NFATC1: variants seen among roughly 807,000 people sequenced by gnomAD.
NFATC1 encodes the protein nuclear factor of activated T cells 1.
In NFATC1, 22 loss-of-function variants were observed where a neutral mutation model predicts 76.0. The observed-to-expected ratio is 0.29, with a 90% CI of 0.21 to 0.41. The LOEUF (loss-of-function observed/expected upper bound fraction) is 0.41, where lower values mean the gene tolerates loss of function less well. NFATC1 is among the 10% of genes least tolerant of loss of function. NFATC1 has a pLI of 1.00. For missense variants in NFATC1, 1,357 were observed against 1,337.7 expected, an observed-to-expected ratio of 1.01 and a Z score of -0.23; for synonymous variants, 704 against 613.1, an observed-to-expected ratio of 1.15 and a Z score of -2.19.
chr18:79,478,231 C>T (rs1569011422), intron 8 of NFATC1, among the ~76,000 whole-genome samples: 1 of 151,770 alleles, frequency 6.6e-6, no homozygotes, highest in Non-Finnish European at 1.5e-5. Context: ...AGGCTTGTGC[C>T]TGCCACCGTG....
intron 3 of NFATC1, among the ~76,000 whole-genome samples, chr18:79,436,365 T>G (rs1464645714): frequency 5.3e-5 from 8 of 152,210 alleles, no homozygotes; most frequent in Admixed American, 5.2e-4. Context: ...TCGTTGTGAA[T>G]CGTCTGTCCG....
chr18:79,493,655 G>A (rs1600916557), intron 9 of NFATC1: 1 of 152,156 alleles, frequency 6.6e-6, no homozygotes, highest in South Asian at 2.1e-4. Flanking sequence ...AGCTCCCTTC[G>A]TGGAAAGTCT....
chr18:79,421,140 T>C (rs1299583573), intron 2 of NFATC1: 2 of 152,248 alleles, frequency 1.3e-5, no homozygotes, highest in African/African-American at 4.8e-5. Flanking sequence ...CTGGAAGCCG[T>C]GATGTGTGTC....
rs760401251 is a variant in NFATC1 at position 79,493,378 on chromosome 18, CCCT to C, written c.2782+6447_2782+6449del. On this transcript the variant is annotated intron_variant, in intron 9 of 9. Coordinates refer to ENST00000427363, the MANE Select transcript of NFATC1 (RefSeq NM_001278669.2). The stretch of plus-strand genomic sequence containing the variant: ...GGGTCTGTGCCGCTGAAGTGGGCAC[CCCT>C]CCTCCAGCCTCGTGAGGACAGCGGC... 6.6e-5 allele frequency: 10 copies of C among 152,382 alleles called. No homozygotes were observed. In the East Asian group the frequency reaches 1.7e-3, roughly 26 times the overall value. 9.4% of individuals were successfully genotyped at this position (152,382 alleles called of 1,614,324 possible). A position where few individuals can be genotyped will look rare whatever the true frequency, so the allele number is the denominator to read the frequency against.
At chr18:79,470,117 C>A in intron 8 of NFATC1, 1 of 476,596 alleles carries the variant, frequency 2.1e-6, no homozygotes, top group Non-Finnish European at 2.7e-6. Flanking sequence ...CCTGCGTCCT[C>A]CGTGCTGTGC....
intron 8 of NFATC1, among the ~76,000 whole-genome samples, chr18:79,476,256 G>A (rs921582188): frequency 1.3e-5 from 2 of 152,244 alleles, no homozygotes; most frequent in Admixed American, 6.5e-5. Flanking sequence ...TCCGGGCGGC[G>A]TCGGCCATGC....
rs867290746 is a variant in NFATC1, at chr18:79,476,398, G to A, written c.2092+8816G>A. Among the ~76,000 whole-genome samples the A allele has an allele frequency of 7.9e-5, 12 of 152,380 alleles. No homozygotes were observed. In the Middle Eastern group the frequency reaches 0.01, roughly 130 times the overall value. ...GGGCGAGGATTGGCGAAAGCCGACC[G>A]ATGTGTTTTGGCTTGTGTGGTCTGT... is the stretch of plus-strand genomic sequence containing the variant. On this transcript the variant is annotated intron_variant, in intron 8 of 9. Coordinates refer to ENST00000427363, the MANE Select transcript of NFATC1 (RefSeq NM_001278669.2).
intron 8 of NFATC1, chr18:79,469,621 C>T: frequency 1.0e-6 from 1 of 986,020 alleles, no homozygotes; most frequent in Non-Finnish European, 1.2e-6. Flanking sequence ...ACCCCCTGCC[C>T]AGTGTCTCGG....
chr18:79,510,886 G>A (rs62096920), intron 9 of NFATC1, among the ~76,000 whole-genome samples: 3 of 124,630 alleles, frequency 2.4e-5, no homozygotes, highest in African/African-American at 2.9e-5. Flanking sequence ...TTCCGCCGGG[G>A]CATCCTCCGC....
chr18:79,396,052 C>G lies in NFATC1; in HGVS notation c.-173C>G. 1.3e-6 allele frequency: 1 copy of G among 765,628 alleles called. No individual in the cohort carries two copies. Among genetic ancestry groups the G allele is most frequent in the East Asian group, 5.4e-5 (1 of 18,440 alleles). The allele number at this position is 765,628 out of a possible 1,614,324, so 47.4% of individuals were successfully genotyped here. A position where few individuals can be genotyped will look rare whatever the true frequency, so the allele number is the denominator to read the frequency against. ...GGAGCCACCGCGCAGGTCCTAGGGC[C>G]GCGGCCGGGCCCCGCCACGCGCGCA... On this transcript the variant is annotated 5_prime_UTR_variant, in exon 1 of 10. Coordinates refer to ENST00000427363, the MANE Select transcript of NFATC1 (RefSeq NM_001278669.2).
intron 9 of NFATC1, among the ~76,000 whole-genome samples, chr18:79,517,150 G>A (rs2090404284): frequency 6.6e-6 from 1 of 152,244 alleles, no homozygotes; most frequent in African/African-American, 2.4e-5. Flanking sequence ...TTAGAAGTTA[G>A]TTATTTAAGA....
intron 8 of NFATC1, among the ~76,000 whole-genome samples, chr18:79,483,024 G>T (rs2089349955): frequency 8.2e-6 from 1 of 121,556 alleles, no homozygotes; most frequent in African/African-American, 3.1e-5. Context: ...AGTGTGACCT[G>T]GTTCCTGGGT....
intron 3 of NFATC1, among the ~76,000 whole-genome samples, chr18:79,434,204 G>A (rs1192701299): frequency 6.6e-6 from 1 of 152,228 alleles, no homozygotes; most frequent in African/African-American, 2.4e-5. Context: ...GAGGAGAGGA[G>A]GAGTGGCTTC....
chr18:79,456,177 C>T (rs1043474781), intron 6 of NFATC1, among the ~76,000 whole-genome samples: 3 of 152,156 alleles, frequency 2.0e-5, no homozygotes, highest in African/African-American at 4.8e-5. Context: ...GGAACTGTCA[C>T]GGAACCACCG....
Position 79,524,559 on chromosome 18 carries a change from G to T in NFATC1, c.2783-2969G>T, listed in dbSNP as rs1235243509. On this transcript the variant is annotated intron_variant, in intron 9 of 9. Transcript: ENST00000427363. This position sits in a 1 kb window ranked among gnomAD's most constrained non-coding sequence, Gnocchi z 7.2. ...TGGAACACACTTGACCCGGCGCTGG[G>T]ACGGGGTCGGCCCACACGCACCGCC... Among the ~76,000 whole-genome samples the T allele has an allele frequency of 6.6e-6, 1 of 152,216 alleles. No homozygotes were observed. Among genetic ancestry groups the T allele is most frequent in the Non-Finnish European group, 1.5e-5 (1 of 68,020 alleles).
At chr18:79,421,617 G>A (rs2086095968) in intron 2 of NFATC1, 3 of 152,356 alleles carry the variant, frequency 2.0e-5, no homozygotes, top group South Asian at 4.1e-4. Context: ...TTCTGGACAG[G>A]TGCGGGGCAG....
chr18:79,426,607 A>ACC (rs1380071036), intron 2 of NFATC1, among the ~76,000 whole-genome samples: 1 of 151,876 alleles, frequency 6.6e-6, no homozygotes, highest in African/African-American at 2.4e-5. Flanking sequence ...CCGTCCCCGG[A>ACC]CCCCCAGAGG....
chr18:79,513,780 G>A (rs1010099734), intron 9 of NFATC1, among the ~76,000 whole-genome samples: 2 of 152,212 alleles, frequency 1.3e-5, no homozygotes, highest in Admixed American at 6.5e-5. Context: ...TGACACCCAC[G>A]GTGGTTCGTG....
At chr18:79,404,776 C>G (rs543767424) in intron 1 of NFATC1, among the ~76,000 whole-genome samples, 2 of 152,092 alleles carry the variant, frequency 1.3e-5, no homozygotes, top group African/African-American at 4.8e-5. Flanking sequence ...CTGCGCACAG[C>G]GAGTGAGGGA....
Sources: gnomAD v4.1 joint callset for allele counts (sites outside exome capture counted in the v4.1 genomes callset) on GRCh38, gnomAD v4.1.1 for gene constraint, Gnocchi (gnomAD v3.1) non-coding constraint, MANE v1.5 for transcripts, NCBI Gene and HGNC (gene_info 2026-07-23, HGNC 2026-07-21) for gene names.